KLHL18: variants seen among roughly 807,000 people sequenced by gnomAD.
The protein encoded by KLHL18 is kelch like family member 18, also known as kelch-like protein 18.
Under a neutral mutation model 58.5 loss-of-function variants are expected in KLHL18, and 38 were observed. The ratio of observed to expected loss-of-function variants is 0.65; its 90% confidence interval spans 0.50 to 0.85. KLHL18 has a LOEUF of 0.85. Ranked by LOEUF, KLHL18 falls within the 40% of genes least tolerant of loss-of-function variation. KLHL18 has a pLI of 0.00. For synonymous variants in KLHL18, 303 were observed against 301.9 expected, an observed-to-expected ratio of 1.00 and a Z score of -0.04; for missense variants, 624 against 778.4, an observed-to-expected ratio of 0.80 and a Z score of 2.36.
chr3:47,326,688 C>A (rs553152670), intron 3 of KLHL18, among the ~76,000 whole-genome samples: 1 of 152,228 alleles, frequency 6.6e-6, no homozygotes, highest in African/African-American at 2.4e-5. Flanking sequence ...GAGGCCGAGG[C>A]AGGGTGGATC....
In KLHL18 at chr3:47,309,916, G is replaced by A. The variant is rs904250530; in HGVS notation, c.130-9737G>A. Among the ~76,000 whole-genome samples, 7 of 149,866 alleles carry A rather than the reference G, an allele frequency of 4.7e-5. No individual in the cohort carries two copies. In the East Asian group the frequency reaches 1.4e-3, roughly 30 times the overall value. On this transcript the variant is annotated intron_variant, in intron 1 of 9. Transcript: ENST00000232766. ...TGAGGCAGGAGAATCAGGCAGGGAG[G>A]TTGCAGTGAGCAGAGATGGCGGAGT...
At chr3:47,324,376 A>G (rs889696860) in intron 3 of KLHL18, among the ~76,000 whole-genome samples, 2 of 128,452 alleles carry the variant, frequency 1.6e-5, no homozygotes, top group African/African-American at 5.9e-5. Flanking sequence ...CACTGCTGAA[A>G]TGACTCTGTG....
chr3:47,284,408 C>G (rs1175120263), intron 1 of KLHL18, among the ~76,000 whole-genome samples: 1 of 140,964 alleles, frequency 7.1e-6, no homozygotes, highest in East Asian at 2.2e-4. Flanking sequence ...GCTATCTTGG[C>G]TCACTGAAAC....
chr3:47,299,603 G>C (rs1702969241), intron 1 of KLHL18, among the ~76,000 whole-genome samples: 1 of 151,950 alleles, frequency 6.6e-6, no homozygotes, highest in African/African-American at 2.4e-5. Flanking sequence ...GAGGTAAGAG[G>C]ATTGCTTGAG....
At chr3:47,288,704 T>A (rs1638677) in intron 1 of KLHL18, among the ~76,000 whole-genome samples, 145,582 of 152,090 alleles carry the variant, frequency 0.96, 70,024 homozygotes, top group East Asian at 1. Flanking sequence ...CATATTCATT[T>A]AAAAAAAATC....
At chr3:47,339,698 T>A (rs1704065938) in intron 7 of KLHL18, among the ~76,000 whole-genome samples, 1 of 152,110 alleles carries the variant, frequency 6.6e-6, no homozygotes, top group African/African-American at 2.4e-5. Context: ...ACATCATACT[T>A]ATCACTGTGA....
In KLHL18 at chr3:47,330,156, G is replaced by A; in HGVS notation, c.600+7G>A. 1.2e-6 allele frequency: 2 copies of A among 1,613,430 alleles called. No homozygotes were observed. The highest frequency in any genetic ancestry group is 2.2e-5 in the South Asian group (2 of 91,032). On this transcript the variant is annotated splice_region_variant and intron_variant, in intron 4 of 9. Coordinates refer to ENST00000232766, the MANE Select transcript of KLHL18 (RefSeq NM_025010.5). ...TGTCAAATCTGAGGAGCAGGTATGT[G>A]AGCCCAGTAGCAGTCTGTGCAGGTG...
At chr3:47,312,607 C>A (rs1370395063) in intron 1 of KLHL18, among the ~76,000 whole-genome samples, 1 of 152,074 alleles carries the variant, frequency 6.6e-6, no homozygotes, top group Non-Finnish European at 1.5e-5. Context: ...CTGTGTAATT[C>A]TAGATATTAA....
intron 9 of KLHL18, 81 bp downstream of exon 9, chr3:47,342,911 CTT>C (rs2107667738): frequency 9.1e-7 from 1 of 1,104,702 alleles, no homozygotes; most frequent in African/African-American, 1.5e-5. Context: ...TTTGAAAAAA[CTT>C]CAGCCTTGCC....
chr3:47,292,904 CAAAAA>C (rs35830922), intron 1 of KLHL18, among the ~76,000 whole-genome samples: 8 of 109,354 alleles, frequency 7.3e-5, no homozygotes, highest in Middle Eastern at 4.9e-3. Flanking sequence ...GACCCTGTCT[CAAAAA>C]AAAAAAAAAA....
rs1288129672 is a variant in KLHL18 at position 47,333,925 on chromosome 3, A to G, written c.761+608A>G. On this transcript the variant is annotated intron_variant, in intron 5 of 9. Transcript: ENST00000232766. ...AGTAGAACAGCAGAGAAAAATGTTC[A>G]TTCTCCTCCAGATTGCTTATCAAAT... Among the ~76,000 whole-genome samples the G allele has an allele frequency of 3.3e-5, 5 of 152,234 alleles. No homozygotes were observed. In the East Asian group the frequency reaches 9.6e-4, roughly 29 times the overall value.
At chr3:47,284,012 C>A (rs1471551868) in intron 1 of KLHL18, among the ~76,000 whole-genome samples, 1 of 152,142 alleles carries the variant, frequency 6.6e-6, no homozygotes, top group African/African-American at 2.4e-5. Flanking sequence ...GCGAGAGGAT[C>A]ACTTGAGTGG....
intron 8 of KLHL18, among the ~76,000 whole-genome samples, chr3:47,341,896 TAAAAAAA>T (rs10586716): frequency 7.2e-5 from 9 of 125,742 alleles, no homozygotes; most frequent in South Asian, 5.1e-4. Context: ...CTGTCTCTTT[TAAAAAAA>T]AAAAAAAAAA....
At position 47,306,932 on chromosome 3, in the gene KLHL18, A is replaced by G. The variant is rs577889849; in HGVS notation, c.130-12721A>G. 9.2e-5 allele frequency among the ~76,000 whole-genome samples: 14 copies of G among 152,308 alleles called. No individual in the cohort carries two copies. The East Asian group carries it at 2.7e-3, about 29-fold the overall frequency. On this transcript the variant is annotated intron_variant, in intron 1 of 9. Coordinates refer to ENST00000232766, the MANE Select transcript of KLHL18 (RefSeq NM_025010.5). ...TTTAGACCATTCTGTTTCATTATCT[A>G]TGAAATACCTAGTTTTAGGTAAGTC...
In KLHL18 at chr3:47,333,295, G is replaced by T; in HGVS notation, c.739G>T (p.Val247Leu). 6.2e-7 allele frequency: 1 copy of T among 1,613,952 alleles called. No homozygotes were observed. The highest frequency in any genetic ancestry group is 8.5e-7 in the Non-Finnish European group (1 of 1,179,936). Residue 247 changes from valine (V) to leucine (L), a missense_variant, in exon 5 of 10, where the codon GTG becomes TTG. Val to Leu is a conservative substitution (Grantham distance 32). Coordinates refer to ENST00000232766, the MANE Select transcript of KLHL18 (RefSeq NM_025010.5). The stretch of plus-strand genomic sequence containing the variant: ...AGACAGAGTACAGCAGGATGACCTG[G>T]TGCGTTGCTGCCACAAATGCAGGTG... ...LSDRVQQDDL[V>L]RCCHKCRDLV... is the part of the protein sequence containing the mutation.
At chr3:47,298,150 C>T (rs186349653) in intron 1 of KLHL18, among the ~76,000 whole-genome samples, 18 of 151,992 alleles carry the variant, frequency 1.2e-4, no homozygotes, top group African/African-American at 2.9e-4. Context: ...GAGGCTGATG[C>T]AGAAGGAAGC....
At chr3:47,314,413 C>G (rs1435154209) in intron 1 of KLHL18, among the ~76,000 whole-genome samples, 1 of 152,116 alleles carries the variant, frequency 6.6e-6, no homozygotes, top group East Asian at 1.9e-4. Flanking sequence ...TCTAAGTAGT[C>G]ACTTAATAGT....
At chr3:47,306,629 A>T (rs1414065516) in intron 1 of KLHL18, among the ~76,000 whole-genome samples, 4 of 152,214 alleles carry the variant, frequency 2.6e-5, no homozygotes, top group Admixed American at 6.5e-5. Context: ...TATGCATCTA[A>T]GGTATATAGC....
In KLHL18 at chr3:47,343,627, G is replaced by A. The variant is rs771235748; in HGVS notation, c.1411G>A (p.Gly471Arg). Residue 471 changes from glycine (G) to arginine (R), a missense_variant, in exon 10 of 10, where the codon GGA becomes AGA. Physicochemically the swap from Gly to Arg is moderately radical, Grantham distance 125. Coordinates refer to ENST00000232766, the MANE Select transcript of KLHL18 (RefSeq NM_025010.5). Reference sequence around the variant, plus strand: ...CATGCTCAACAAGCGCTGCCGGCACGGAGCCGCCTCCCTGGGGAGCAAGAT... The same window carrying A: ...CATGCTCAACAAGCGCTGCCGGCACAGAGCCGCCTCCCTGGGGAGCAAGAT... Reference protein sequence around the residue: ...AGMLNKRCRHGAASLGSKMFV... With the variant: ...AGMLNKRCRHRAASLGSKMFV... 3.7e-6 allele frequency: 6 copies of A among 1,614,146 alleles called. No homozygotes were observed. Among genetic ancestry groups the A allele is most frequent in the Non-Finnish European group, 5.1e-6 (6 of 1,180,026 alleles).
Sources: gnomAD v4.1 joint callset for allele counts (sites outside exome capture counted in the v4.1 genomes callset) on GRCh38, gnomAD v4.1.1 for gene constraint, MANE v1.5 for transcripts, NCBI Gene and HGNC (gene_info 2026-07-23, HGNC 2026-07-21) for gene names.